DOT1L: variants seen among roughly 807,000 people sequenced by gnomAD.
DOT1L encodes the protein DOT1 like histone lysine methyltransferase.
In DOT1L, 33 loss-of-function variants were observed where a neutral mutation model predicts 153.3. The ratio of observed to expected loss-of-function variants is 0.22; its 90% confidence interval spans 0.16 to 0.29. The LOEUF (loss-of-function observed/expected upper bound fraction) is 0.29, where lower values mean the gene tolerates loss of function less well. Ranked by LOEUF, DOT1L falls within the 10% of genes least tolerant of loss-of-function variation. The pLI is 1.00. For synonymous variants in DOT1L, 1,135 were observed against 965.1 expected, an observed-to-expected ratio of 1.18 and a Z score of -3.26; for missense variants, 1,847 against 2,119.9, an observed-to-expected ratio of 0.87 and a Z score of 2.53.
At chr19:2,203,624 A>G (rs1279430136) in intron 9 of DOT1L, among the ~76,000 whole-genome samples, 2 of 152,180 alleles carry the variant, frequency 1.3e-5, no homozygotes, top group African/African-American at 2.4e-5. Context: ...GCGTAGTTTC[A>G]GGAGCGGAGA....
In DOT1L at chr19:2,202,991, T is replaced by G. The variant is rs62122894; in HGVS notation, c.787+212T>G. ...GGCTGGAGTGTAGTGGCACAATCTC[T>G]GCTCACTGCAACCTCCGCCTCCCGG... On this transcript the variant is annotated intron_variant, in intron 9 of 27. Transcript: ENST00000398665. Among the ~76,000 whole-genome samples, 1,057 of 152,304 alleles carry G rather than the reference T, an allele frequency of 6.9e-3. 5 individuals carry two copies. Among genetic ancestry groups the G allele is most frequent in the Non-Finnish European group, 0.012 (783 of 68,018 alleles).
chr19:2,215,088 T>C (rs2023848215), intron 19 of DOT1L, among the ~76,000 whole-genome samples: 1 of 151,974 alleles, frequency 6.6e-6, no homozygotes. Context: ...TGGTGGTGTG[T>C]GCCTATAGTC....
At chr19:2,224,683 G>A (rs1435806833) in intron 25 of DOT1L, among the ~76,000 whole-genome samples, 1 of 152,116 alleles carries the variant, frequency 6.6e-6, no homozygotes, top group Non-Finnish European at 1.5e-5. Context: ...GCCCAGGCTG[G>A]TCTCAAACTC....
chr19:2,208,410 G>C lies in DOT1L; in HGVS notation c.964-525G>C, dbSNP rs1456431372. On this transcript the variant is annotated intron_variant, in intron 11 of 27. Transcript: ENST00000398665. This position sits in a 1 kb window ranked among gnomAD's most constrained non-coding sequence, Gnocchi z 4.4. ...AGCCTGCCTGGGGAGCGCTGGTGCC[G>C]TCTGGGGACCGACAGCCCCAGGCAG... is the stretch of plus-strand genomic sequence containing the variant. Among the ~76,000 whole-genome samples the C allele has an allele frequency of 1.3e-5, 2 of 152,076 alleles. No homozygotes were observed. Among genetic ancestry groups the C allele is most frequent in the East Asian group, 3.9e-4 (2 of 5,178 alleles).
chr19:2,188,889 G>T (rs1000752164), intron 3 of DOT1L, among the ~76,000 whole-genome samples: 1 of 152,206 alleles, frequency 6.6e-6, no homozygotes, highest in Non-Finnish European at 1.5e-5. Context: ...TGGCTGGGCC[G>T]CGTGGCCGGT....
At chr19:2,201,358 C>T (rs1445090225) in intron 8 of DOT1L, among the ~76,000 whole-genome samples, 2 of 143,512 alleles carry the variant, frequency 1.4e-5, no homozygotes, top group African/African-American at 5.2e-5. Flanking sequence ...CCTCCCCGCT[C>T]CCCTCCTTCT....
Position 2,220,151 on chromosome 19 carries a change from C to T in DOT1L, c.2735C>T (p.Ser912Phe), listed in dbSNP as rs2024059383. 3.1e-6 allele frequency: 5 copies of T among 1,613,638 alleles called. No individual in the cohort carries two copies. The highest frequency in any genetic ancestry group is 3.3e-5 in the Admixed American group (2 of 60,022). Residue 912 changes from serine (S) to phenylalanine (F), a missense_variant, in exon 23 of 28, where the codon TCC (serine) becomes TTC (phenylalanine). By Grantham distance (155) the Ser-to-Phe change is radical. Around this residue, in one of 8 missense-constraint regions of DOT1L, gnomAD observed 68 missense variants for 80.7 expected, o/e 0.84. Transcript: ENST00000398665. The surrounding 1 kb of genome is among the most constrained non-coding windows in gnomAD (Gnocchi z 4.5). ...GTGCTGCAGCCCCGTGACCCCTCGT[C>T]CACACTTGAAAAGCAGATTGGTGCT... ...SPVLQPRDPS[S>F]TLEKQIGANA...
rs2024141100 is a variant in DOT1L, at chr19:2,222,133, C to T, written c.2964C>T (p.Pro988=). The change falls in exon 24 of 28, where the codon CCC becomes CCT. Residue 988 remains proline (P), a synonymous_variant. Coordinates refer to ENST00000398665, the MANE Select transcript of DOT1L (RefSeq NM_032482.3). This position sits in a 1 kb window ranked among gnomAD's most constrained non-coding sequence, Gnocchi z 6.5. ...VGSRSSTPQH[P]LLLAQPRNSL... The stretch of plus-strand genomic sequence containing the variant: ...CCCGCAGCTCCACGCCACAGCACCC[C>T]CTGCTGCTGGCACAGCCCCGGAACT... 6.2e-7 allele frequency: 1 copy of T among 1,613,246 alleles called. No individual in the cohort carries two copies. Among genetic ancestry groups the T allele is most frequent in the Non-Finnish European group, 8.5e-7 (1 of 1,179,896 alleles).
At chr19:2,209,997 T>C (rs1031654535) in intron 12 of DOT1L, among the ~76,000 whole-genome samples, 2 of 152,162 alleles carry the variant, frequency 1.3e-5, no homozygotes, top group African/African-American at 4.8e-5. Flanking sequence ...TGGCGTCCCA[T>C]GTGTGGGCCT....
intron 25 of DOT1L, among the ~76,000 whole-genome samples, 192 bp downstream of exon 25, chr19:2,223,678 C>T (rs1371292241): frequency 1.4e-4 from 21 of 152,140 alleles, no homozygotes; most frequent in Admixed American, 1.4e-3. Context: ...CAGGGCCGGC[C>T]TCCCGGGCCA....
Position 2,208,399 on chromosome 19 carries a change from G to C in DOT1L, c.964-536G>C, listed in dbSNP as rs1426947455. On this transcript the variant is annotated intron_variant, in intron 11 of 27. Coordinates refer to ENST00000398665, the MANE Select transcript of DOT1L (RefSeq NM_032482.3). This position sits in a 1 kb window ranked among gnomAD's most constrained non-coding sequence, Gnocchi z 4.4. ...GCCTCCACTAGAGCCTGCCTGGGGA[G>C]CGCTGGTGCCGTCTGGGGACCGACA... Among the ~76,000 whole-genome samples the C allele has an allele frequency of 6.6e-6, 1 of 152,104 alleles. No homozygotes were observed.
intron 27 of DOT1L, chr19:2,229,262 C>G: frequency 3.0e-6 from 3 of 985,484 alleles, no homozygotes; most frequent in Non-Finnish European, 3.6e-6. Flanking sequence ...CACCCGTGCC[C>G]TCCAGGGACA....
intron 1 of DOT1L, 71 bp from the exon 2 acceptor site, chr19:2,180,642 T>C: frequency 6.3e-7 from 1 of 1,582,352 alleles, no homozygotes; most frequent in Non-Finnish European, 8.7e-7. Flanking sequence ...GCATCGCTTG[T>C]CCGGGAAGAG....
Position 2,191,262 on chromosome 19 carries a change from CG to C in DOT1L, c.493+24del. On this transcript the variant is annotated intron_variant, in intron 5 of 27. Coordinates refer to ENST00000398665, the MANE Select transcript of DOT1L (RefSeq NM_032482.3). This position sits in a 1 kb window ranked among gnomAD's most constrained non-coding sequence, Gnocchi z 6.8. ...AGCGGTGAGTGTCGCCCGCCATGCC[CG>C]GCTCCTGTGCACTTCCAGGCCACAC... 3.7e-6 allele frequency: 6 copies of C among 1,610,942 alleles called. No homozygotes were observed. Among genetic ancestry groups the C allele is most frequent in the Non-Finnish European group, 5.1e-6 (6 of 1,177,906 alleles).
At position 2,232,113 on chromosome 19, in the gene DOT1L, CTGAG is replaced by C; in HGVS notation, c.*2323_*2326del. The C allele has an allele frequency of 4.6e-6, 1 of 216,930 alleles. No homozygotes were observed. The highest frequency in any genetic ancestry group is 2.3e-5 in the African/African-American group (1 of 44,326). The allele number at this position is 216,930 out of a possible 1,614,324, so 13.4% of individuals were successfully genotyped here. On this transcript the variant is annotated 3_prime_UTR_variant, in exon 28 of 28. Coordinates refer to ENST00000398665, the MANE Select transcript of DOT1L (RefSeq NM_032482.3). ...CTGGAGCCTGGTGCTGGCACCTGGCCTGAGTTTCCGTGGGCAGCTGGCGGGGACC... is the reference window on the plus strand; with the variant it reads ...CTGGAGCCTGGTGCTGGCACCTGGCCTTTCCGTGGGCAGCTGGCGGGGACC...
chr19:2,169,279 C>A (rs907221682), intron 1 of DOT1L, among the ~76,000 whole-genome samples: 2 of 152,128 alleles, frequency 1.3e-5, no homozygotes, highest in Non-Finnish European at 2.9e-5. Context: ...TGAGTAATCC[C>A]AGCTCCCCCG....
chr19:2,229,157 A>G (rs2024492603), intron 27 of DOT1L: 1 of 985,270 alleles, frequency 1.0e-6, no homozygotes, highest in African/African-American at 1.7e-5. Flanking sequence ...AGCAGGAGTG[A>G]TTTTGATGAT....
At chr19:2,167,779 A>C (rs1599523590) in intron 1 of DOT1L, among the ~76,000 whole-genome samples, 7 of 139,112 alleles carry the variant, frequency 5.0e-5, no homozygotes. Context: ...TCTATCGCCC[A>C]GGCTGGAGTG....
intron 3 of DOT1L, among the ~76,000 whole-genome samples, chr19:2,188,741 T>C (rs552239237): frequency 6.7e-4 from 102 of 152,326 alleles, no homozygotes; most frequent in African/African-American, 2.4e-3. Flanking sequence ...GGACAGACGC[T>C]GTTGTCCACA....
Sources: gnomAD v4.1 joint callset for allele counts (sites outside exome capture counted in the v4.1 genomes callset) on GRCh38, gnomAD v4.1.1 for gene constraint, gnomAD v4.1.1 regional missense constraint, Gnocchi (gnomAD v3.1) non-coding constraint, MANE v1.5 for transcripts, NCBI Gene and HGNC (gene_info 2026-07-23, HGNC 2026-07-21) for gene names.